GPC6: variants seen among roughly 807,000 people sequenced by gnomAD.
GPC6 encodes glypican 6, also known as glypican-6.
Under a neutral mutation model 55.2 loss-of-function variants are expected in GPC6, and 14 were observed. That is an observed-to-expected ratio of 0.25 (90% CI 0.17 to 0.40). GPC6 has a LOEUF of 0.40. Ranked by LOEUF, GPC6 falls within the 10% of genes least tolerant of loss-of-function variation. The probability of loss-of-function intolerance (pLI) is 1.00; values close to 1 mark genes in which losing one functional copy is unlikely to be tolerated. For synonymous variants in GPC6, 278 were observed against 259.6 expected (o/e 1.07, Z -0.68); for missense variants, 641 against 708.5 (o/e 0.90, Z 1.08).
intron 1 of GPC6, among the ~76,000 whole-genome samples, chr13:93,349,876 T>G (rs919981046): frequency 2.0e-5 from 3 of 152,184 alleles, no homozygotes; most frequent in African/African-American, 7.2e-5. Flanking sequence ...GTGAATCATA[T>G]TCAATGGCCA....
chr13:94,218,038 T>A (rs1566556352), intron 4 of GPC6, among the ~76,000 whole-genome samples: 1 of 152,166 alleles, frequency 6.6e-6, no homozygotes, highest in African/African-American at 2.4e-5. Flanking sequence ...TGGTAATGGT[T>A]CTATATTGAA....
intron 2 of GPC6, among the ~76,000 whole-genome samples, chr13:93,672,235 A>G (rs574624605): frequency 1.2e-4 from 18 of 148,538 alleles, no homozygotes; most frequent in East Asian, 6.0e-4. Context: ...GTGTGTGTAT[A>G]TATGTATATA....
intron 4 of GPC6, among the ~76,000 whole-genome samples, chr13:94,159,227 C>A (rs1361675289): frequency 5.3e-5 from 8 of 152,106 alleles, no homozygotes; most frequent in Non-Finnish European, 1.0e-4. Flanking sequence ...AGATTCCTCA[C>A]TTGTTGAAAA....
intron 2 of GPC6, among the ~76,000 whole-genome samples, chr13:93,725,916 C>T (rs1473333956): frequency 6.6e-6 from 1 of 151,728 alleles, no homozygotes; most frequent in Non-Finnish European, 1.5e-5. Flanking sequence ...AAATTTTTGG[C>T]CAATAGAAAA....
At chr13:94,178,025 A>ATT (rs767978319) in intron 4 of GPC6, among the ~76,000 whole-genome samples, 1 of 132,990 alleles carries the variant, frequency 7.5e-6, no homozygotes, top group Non-Finnish European at 1.6e-5. Flanking sequence ...TGGCCTTTTA[A>ATT]TTTTTTTTTT....
chr13:94,201,604 G>A (rs749104321), intron 4 of GPC6, among the ~76,000 whole-genome samples: 1 of 151,986 alleles, frequency 6.6e-6, no homozygotes, highest in Non-Finnish European at 1.5e-5. Flanking sequence ...CTAAATACTT[G>A]CATTTGGAAG....
At chr13:94,270,783 C>A (rs903372217) in intron 4 of GPC6, among the ~76,000 whole-genome samples, 4 of 152,052 alleles carry the variant, frequency 2.6e-5, no homozygotes, top group African/African-American at 9.7e-5. Context: ...CCACTGCATT[C>A]TCAAAATCAA....
chr13:93,967,350 A>G (rs1319363721), intron 3 of GPC6, among the ~76,000 whole-genome samples: 1 of 152,218 alleles, frequency 6.6e-6, no homozygotes. Flanking sequence ...GTACAAAAGT[A>G]GTAGTTTCAA....
At chr13:94,020,934 A>G (rs1195715004) in intron 3 of GPC6, among the ~76,000 whole-genome samples, 1 of 152,156 alleles carries the variant, frequency 6.6e-6, no homozygotes, top group Admixed American at 6.6e-5. Context: ...GATACTTTAC[A>G]TGTAATTTAA....
chr13:93,266,484 G>A (rs1327118148), intron 1 of GPC6, among the ~76,000 whole-genome samples: 1 of 152,092 alleles, frequency 6.6e-6, no homozygotes, highest in Non-Finnish European at 1.5e-5. Context: ...GGTTGAGTTC[G>A]TAAGACCCAG....
intron 2 of GPC6, among the ~76,000 whole-genome samples, chr13:93,613,485 A>G (rs1012024451): frequency 1.2e-4 from 18 of 151,186 alleles, no homozygotes; most frequent in Non-Finnish European, 1.8e-4. Context: ...ATCTCTTTCA[A>G]TCATTCTCTG....
intron 3 of GPC6, among the ~76,000 whole-genome samples, chr13:93,912,801 C>T (rs1340573684): frequency 2.0e-5 from 3 of 152,078 alleles, no homozygotes; most frequent in African/African-American, 7.2e-5. Context: ...TTCTAGAGGC[C>T]AGAAGTCTGA....
At chr13:93,501,946 C>A (rs1445254) in intron 1 of GPC6, among the ~76,000 whole-genome samples, 35 of 152,194 alleles carry the variant, frequency 2.3e-4, no homozygotes, top group African/African-American at 7.5e-4. Context: ...ATGCTCACTT[C>A]TAGTAGAATG....
chr13:93,597,421 T>C (rs896367530), intron 2 of GPC6, among the ~76,000 whole-genome samples: 11 of 152,206 alleles, frequency 7.2e-5, no homozygotes, highest in African/African-American at 2.4e-4. Context: ...TTAGATAGGA[T>C]AGCTGAAAGA....
chr13:93,804,251 A>G (rs1886470297), intron 2 of GPC6, among the ~76,000 whole-genome samples: 2 of 152,190 alleles, frequency 1.3e-5, no homozygotes, highest in Admixed American at 6.6e-5. Context: ...GCTAAGTTTA[A>G]TAATTCTCTT....
chr13:93,511,270 A>C (rs1255817513), intron 1 of GPC6, among the ~76,000 whole-genome samples: 1 of 151,482 alleles, frequency 6.6e-6, no homozygotes, highest in Admixed American at 6.6e-5. Flanking sequence ...TGTCTAGAAC[A>C]ATATACAGGA....
chr13:93,590,104 T>G (rs1231327876), intron 2 of GPC6, among the ~76,000 whole-genome samples: 1 of 152,216 alleles, frequency 6.6e-6, no homozygotes, highest in African/African-American at 2.4e-5. Flanking sequence ...TTGTAGTTTT[T>G]TGGATTTGTG....
chr13:94,227,115 A>G (rs1037852856), intron 4 of GPC6, among the ~76,000 whole-genome samples: 1 of 152,206 alleles, frequency 6.6e-6, no homozygotes, highest in Admixed American at 6.5e-5. Context: ...AGGATTTTGT[A>G]GTCAACAAAA....
At chr13:94,069,280 T>A (rs8000456) in intron 4 of GPC6, among the ~76,000 whole-genome samples, 24,882 of 151,902 alleles carry the variant, frequency 0.16, 2,248 homozygotes, top group South Asian at 0.3. Context: ...TCATGGCTGG[T>A]GCAGCTGGGA....
Sources: gnomAD v4.1 joint callset for allele counts (sites outside exome capture counted in the v4.1 genomes callset) on GRCh38, gnomAD v4.1.1 for gene constraint, MANE v1.5 for transcripts, NCBI Gene and HGNC (gene_info 2026-07-23, HGNC 2026-07-21) for gene names.